The following PGAP2 variants were observed in gnomAD, a reference collection of about 807,000 sequenced individuals.
PGAP2 encodes the protein acyltransferase PGAP2.
Under a neutral mutation model 33.2 loss-of-function variants are expected in PGAP2, and 21 were observed. That is an observed-to-expected ratio of 0.63 (90% CI 0.45 to 0.91). The LOEUF is 0.91. Ranked by LOEUF, PGAP2 falls within the 40% of genes least tolerant of loss-of-function variation. The probability of loss-of-function intolerance (pLI) is 0.00; values close to 1 mark genes in which losing one functional copy is unlikely to be tolerated. For missense variants in PGAP2, 345 were observed against 424.0 expected, an observed-to-expected ratio of 0.81 and a Z score of 1.64; for synonymous variants, 161 against 172.9, an observed-to-expected ratio of 0.93 and a Z score of 0.54.
At chr11:3,809,793 G>A (rs2085165863) in intron 1 of PGAP2, among the ~76,000 whole-genome samples, 4 of 152,228 alleles carry the variant, frequency 2.6e-5, no homozygotes. Flanking sequence ...AAGGGAGAGA[G>A]GAACTTGAGC....
intron 3 of PGAP2, among the ~76,000 whole-genome samples, chr11:3,820,671 A>AG (rs2088356583): frequency 6.6e-6 from 1 of 152,062 alleles, no homozygotes; most frequent in South Asian, 2.1e-4. Context: ...AAAAAAAAAA[A>AG]GAAAAATTAG....
In PGAP2 at chr11:3,808,566, G is replaced by T. The variant is rs1487531443; in HGVS notation, c.-96G>T. ...CGCCGGCCCCGCCCCCGCCGTTCGC[G>T]CTCTGACCAGCCCGCAGAGCCAGCC... On this transcript the variant is annotated 5_prime_UTR_variant, in exon 1 of 7. Coordinates refer to ENST00000278243, the MANE Select transcript of PGAP2 (RefSeq NM_014489.4). The T allele has an allele frequency of 1.4e-6, 2 of 1,383,932 alleles. No individual in the cohort carries two copies. Among genetic ancestry groups the T allele is most frequent in the Admixed American group, 3.1e-5 (1 of 31,834 alleles). The allele number at this position is 1,383,932 out of a possible 1,614,324, so 85.7% of individuals were successfully genotyped here.
In PGAP2 at chr11:3,816,322, C is replaced by CGAGGG. The variant is rs2087005912; in HGVS notation, c.166-1027_166-1023dup. On this transcript the variant is annotated intron_variant, in intron 2 of 6. Transcript: ENST00000278243. ...CCTTAGTGGAGGGAAGTATGAGTGC[C>CGAGGG]GAGGGGAGATTGGGTCCTAGGCCTT... 2.6e-5 allele frequency: 4 copies of CGAGGG among 152,734 alleles called. No individual in the cohort carries two copies. The South Asian group carries it at 8.3e-4, about 32-fold the overall frequency. 9.5% of individuals were successfully genotyped at this position (152,734 alleles called of 1,614,324 possible).
Position 3,825,364 on chromosome 11 carries a change from T to C in PGAP2, c.854T>C (p.Val285Ala). ...TIFAILEYTV[V>A]LTNMAFHMTA... ...TTTGCCATCCTGGAGTACACTGTTG[T>C]CTTAACCAACATGGCGTTCCACATG... Residue 285 changes from valine to alanine, a missense_variant, in exon 7 of 7, where the codon GTC becomes GCC. Around this residue, in one of 2 missense-constraint regions of PGAP2, gnomAD observed 311 missense variants for 353.6 expected, o/e 0.88. Coordinates refer to ENST00000278243, the MANE Select transcript of PGAP2 (RefSeq NM_014489.4). 7 of 1,613,756 alleles carry C rather than the reference T, an allele frequency of 4.3e-6. No individual in the cohort carries two copies. Among genetic ancestry groups the C allele is most frequent in the Non-Finnish European group, 5.9e-6 (7 of 1,179,808 alleles).
Position 3,823,024 on chromosome 11 carries a change from C to CTT in PGAP2, c.349-830_349-829dup, listed in dbSNP as rs746736798. ...GAGCACCCACTTTCTTTTTTCTTTT[C>CTT]TTTTTTTTTTTTTTTTTTTTTTTTT... On this transcript the variant is annotated intron_variant, in intron 3 of 6. Transcript: ENST00000278243. 8.7e-3 allele frequency: 2,651 copies of CTT among 305,962 alleles called. 12 individuals carry two copies. The highest frequency in any genetic ancestry group is 0.021 in the South Asian group (591 of 28,614). 19.0% of individuals were successfully genotyped at this position (305,962 alleles called of 1,614,324 possible).
intron 5 of PGAP2, chr11:3,824,783 C>G (rs2089701848): frequency 7.0e-7 from 1 of 1,430,374 alleles, no homozygotes; most frequent in African/African-American, 1.4e-5. Context: ...TTTCATACTC[C>G]ATCCCCCTGA....
intron 5 of PGAP2, 199 bp from the exon 6 acceptor site, chr11:3,824,821 C>T (rs1187643519): frequency 2.9e-5 from 41 of 1,436,078 alleles, no homozygotes; most frequent in Non-Finnish European, 3.5e-5. Context: ...TACCACTGCT[C>T]CTCGGCCCAT....
chr11:3,816,963 C>T (rs2087174696), intron 2 of PGAP2, among the ~76,000 whole-genome samples: 1 of 152,170 alleles, frequency 6.6e-6, no homozygotes, highest in Non-Finnish European at 1.5e-5. Flanking sequence ...GGGCCTCAGT[C>T]TCCCCTTCTG....
At chr11:3,799,357 A>C (rs1169864706) in intron 1 of PGAP2, among the ~76,000 whole-genome samples, 1 of 151,320 alleles carries the variant, frequency 6.6e-6, no homozygotes, top group African/African-American at 2.4e-5. Flanking sequence ...GGCCAACATG[A>C]TGAAACCCTG....
At chr11:3,818,075 A>C (rs1327697276) in intron 3 of PGAP2, 2 of 304,518 alleles carry the variant, frequency 6.6e-6, no homozygotes, top group Non-Finnish European at 6.4e-6. Flanking sequence ...AAAAAAAAAA[A>C]CAGCAGGCTG....
intron 1 of PGAP2, among the ~76,000 whole-genome samples, chr11:3,798,635 A>T (rs111256436): frequency 0.14 from 18,401 of 131,126 alleles, 1,386 homozygotes; most frequent in Middle Eastern, 0.22. Flanking sequence ...CCATGAACTA[A>T]TTTTTTTTTT....
chr11:3,804,126 C>T (rs937895991), upstream of PGAP2, among the ~76,000 whole-genome samples: 3 of 152,114 alleles, frequency 2.0e-5, no homozygotes, highest in Middle Eastern at 3.2e-3. Context: ...AAGTTAAATT[C>T]TCTTTTCCTA....
rs111402608 is a variant in PGAP2 at position 3,824,782 on chromosome 11, C to T, written c.709-238C>T. 2.5e-4 allele frequency: 351 copies of T among 1,430,306 alleles called. 3 individuals are homozygous for T. In the African/African-American group the frequency reaches 3.9e-3, roughly 16 times the overall value. The allele number at this position is 1,430,306 out of a possible 1,614,324, so 88.6% of individuals were successfully genotyped here. On this transcript the variant is annotated intron_variant, in intron 5 of 6. Coordinates refer to ENST00000278243, the MANE Select transcript of PGAP2 (RefSeq NM_014489.4). ...GGTGACTCCATGTAACTTTCATACT[C>T]CATCCCCCTGAAGTGGAAGCGGCAG...
upstream of PGAP2, among the ~76,000 whole-genome samples, chr11:3,807,035 GAA>G (rs1477087785): frequency 1.6e-4 from 23 of 145,050 alleles, no homozygotes; most frequent in East Asian, 4.1e-3. Context: ...AAAAAAGAGA[GAA>G]AGAAAGAAAA....
At chr11:3,802,268 G>C (rs1242731124) in intron 1 of PGAP2, among the ~76,000 whole-genome samples, 1 of 152,162 alleles carries the variant, frequency 6.6e-6, no homozygotes, top group African/African-American at 2.4e-5. Context: ...GATTTCTAAA[G>C]ATACGTTGTT....
chr11:3,799,984 G>C (rs777869987), intron 1 of PGAP2, among the ~76,000 whole-genome samples: 1 of 152,154 alleles, frequency 6.6e-6, no homozygotes, highest in African/African-American at 2.4e-5. Flanking sequence ...AAAAAAGGTG[G>C]TGGGTTGTAA....
intron 1 of PGAP2, among the ~76,000 whole-genome samples, chr11:3,799,248 G>A (rs2083096497): frequency 6.6e-6 from 1 of 152,186 alleles, no homozygotes; most frequent in Non-Finnish European, 1.5e-5. Context: ...AGAAAGCAAA[G>A]CGTATACTGG....
upstream of PGAP2, among the ~76,000 whole-genome samples, chr11:3,805,120 A>C (rs2084095250): frequency 6.6e-6 from 1 of 152,226 alleles, no homozygotes; most frequent in East Asian, 1.9e-4. Context: ...AAGGTCAGAC[A>C]ATACAAAAAA....
chr11:3,814,296 G>A (rs2086247854), intron 2 of PGAP2, among the ~76,000 whole-genome samples: 1 of 151,912 alleles, frequency 6.6e-6, no homozygotes, highest in Non-Finnish European at 1.5e-5. Flanking sequence ...TCACTCTGTC[G>A]CCTAGGCTGG....
Sources: gnomAD v4.1 joint callset for allele counts (sites outside exome capture counted in the v4.1 genomes callset) on GRCh38, gnomAD v4.1.1 for gene constraint, gnomAD v4.1.1 regional missense constraint, MANE v1.5 for transcripts, NCBI Gene and HGNC (gene_info 2026-07-23, HGNC 2026-07-21) for gene names.